The following ARHGEF18 variants were observed in gnomAD, a reference collection of about 807,000 sequenced individuals.
ARHGEF18 encodes the protein rho guanine nucleotide exchange factor 18.
In ARHGEF18, 93 loss-of-function variants were observed where a neutral mutation model predicts 155.7. The observed-to-expected ratio is 0.60, with a 90% CI of 0.50 to 0.71. The LOEUF is 0.71. Among genes scored for constraint, ARHGEF18 ranks in the 30% least tolerant of loss-of-function variants. ARHGEF18 has a pLI of 0.00. For synonymous variants in ARHGEF18, 742 were observed against 753.1 expected (o/e 0.99, Z 0.24); for missense variants, 1,593 against 1,816.1 (o/e 0.88, Z 2.23).
chr19:7,466,996 T>A, intron 24 of ARHGEF18, 22 bp downstream of exon 24: 4 of 1,613,338 alleles, frequency 2.5e-6, no homozygotes, highest in Non-Finnish European at 3.4e-6. Context: ...CGGGTCTCCA[T>A]CTCCCCAGGG....
chr19:7,407,909 C>T (rs1350913356), intron 10 of ARHGEF18, among the ~76,000 whole-genome samples: 2 of 145,398 alleles, frequency 1.4e-5, no homozygotes, highest in African/African-American at 5.2e-5. Context: ...TTGCAGTGAG[C>T]CGAGACCGCG....
intron 10 of ARHGEF18, among the ~76,000 whole-genome samples, chr19:7,430,641 A>C (rs1328714815): frequency 1.3e-5 from 2 of 151,764 alleles, no homozygotes; most frequent in South Asian, 2.1e-4. Flanking sequence ...TATCTCTATA[A>C]AAATATCTAA....
intron 6 of ARHGEF18, among the ~76,000 whole-genome samples, chr19:7,378,679 T>G (rs1314532872): frequency 7.0e-6 from 1 of 141,924 alleles, no homozygotes; most frequent in African/African-American, 2.6e-5. Context: ...GGGAGACAAT[T>G]GTGGCTTTTT....
intron 10 of ARHGEF18, among the ~76,000 whole-genome samples, chr19:7,437,029 T>C (rs1481997503): frequency 6.6e-6 from 1 of 152,188 alleles, no homozygotes; most frequent in Non-Finnish European, 1.5e-5. Context: ...CACAGCTTAG[T>C]GGCTGATGTC....
intron 7 of ARHGEF18, among the ~76,000 whole-genome samples, chr19:7,380,003 ATT>A (rs11326216): frequency 1.5e-4 from 22 of 147,874 alleles, no homozygotes; most frequent in Admixed American, 4.7e-4. Flanking sequence ...TGTCTGTATA[ATT>A]TTTTTTTTTT....
chr19:7,455,395 C>T (rs1975765796), intron 17 of ARHGEF18, among the ~76,000 whole-genome samples: 1 of 152,220 alleles, frequency 6.6e-6, no homozygotes, highest in Admixed American at 6.5e-5. Flanking sequence ...CTGACTTAGA[C>T]AGGGGTGTTG....
intron 1 of ARHGEF18, 37 bp downstream of exon 1, chr19:7,349,278 C>T (rs1385078960): frequency 6.6e-6 from 1 of 152,332 alleles, no homozygotes; most frequent in Non-Finnish European, 1.5e-5. Context: ...AGAGATGGAC[C>T]CATCGGGACA....
At chr19:7,381,691 T>TA (rs533011251) in intron 8 of ARHGEF18, among the ~76,000 whole-genome samples, 9 of 146,160 alleles carry the variant, frequency 6.2e-5, no homozygotes, top group Middle Eastern at 3.5e-3. Flanking sequence ...AATAAATAAA[T>TA]AATAAATAAA....
intron 3 of ARHGEF18, among the ~76,000 whole-genome samples, chr19:7,374,386 T>C (rs558136711): frequency 1.1e-4 from 16 of 151,990 alleles, no homozygotes; most frequent in African/African-American, 3.6e-4. Flanking sequence ...AACTGAAAAC[T>C]GCATGTGAGG....
downstream of ARHGEF18, among the ~76,000 whole-genome samples, chr19:7,476,184 A>C (rs1044803879): frequency 1.1e-4 from 17 of 152,324 alleles, no homozygotes; most frequent in Non-Finnish European, 8.8e-5. Flanking sequence ...GGTGATAAAC[A>C]CCTGTAGTTC....
chr19:7,448,082 G>C (rs889866734), intron 15 of ARHGEF18, among the ~76,000 whole-genome samples: 2 of 152,228 alleles, frequency 1.3e-5, no homozygotes. Flanking sequence ...CTGCAGCTCA[G>C]TATGGGACCT....
At position 7,395,385 on chromosome 19, in the gene ARHGEF18, G is replaced by A. The variant is rs1971640342; in HGVS notation, c.967+12182G>A. On this transcript the variant is annotated intron_variant, in intron 10 of 28. Transcript: ENST00000668164. The surrounding 1 kb of genome is among the most constrained non-coding windows in gnomAD (Gnocchi z 5.0). ...GCCGGCTCCTGGGGGACTTCTCCAG[G>A]CAGGCGAACGGGTGCTGGGGTGCAG... The A allele has an allele frequency of 2.2e-6, 2 of 894,580 alleles. No individual in the cohort carries two copies. Among genetic ancestry groups the A allele is most frequent in the Non-Finnish European group, 2.7e-6 (2 of 747,172 alleles). 55.4% of individuals were successfully genotyped at this position (894,580 alleles called of 1,614,324 possible). A position where few individuals can be genotyped will look rare whatever the true frequency, so the allele number is the denominator to read the frequency against.
At position 7,457,353 on chromosome 19, in the gene ARHGEF18, C is replaced by CTTTTTTTTTTT. The variant is rs1159186670; in HGVS notation, c.2181+967_2181+977dup. ...ATCTCATTTTGCCATAATCACCTCT[C>CTTTTTTTTTTT]TTTTTTTTTTTTTTTTTTTTTTTTT... On this transcript the variant is annotated intron_variant, in intron 18 of 28. Coordinates refer to ENST00000668164, the MANE Select transcript of ARHGEF18 (RefSeq NM_001367823.1). 1.1e-3 allele frequency among the ~76,000 whole-genome samples: 67 copies of CTTTTTTTTTTT among 60,232 alleles called. 17 individuals carry two copies. The highest frequency in any genetic ancestry group is 5.2e-3 in the African/African-American group (64 of 12,340). 39.5% of individuals were successfully genotyped at this position (60,232 alleles called of 152,430 possible).
rs763747011 is a variant in ARHGEF18 at position 7,441,730 on chromosome 19, T to A, written c.1184T>A (p.Leu395His). ...CAGACAGCTGATGACTCTCTGTCCC[T>A]TACATCTCCAAACACCGAGTCCATT... ...FKQTADDSLS[L>H]TSPNTESIFV... The change falls in exon 12 of 29, where the codon CTT becomes CAT. Residue 395 changes from leucine to histidine, a missense_variant. Transcript: ENST00000668164. The A allele has an allele frequency of 2.5e-6, 4 of 1,614,208 alleles. No homozygotes were observed. The highest frequency in any genetic ancestry group is 1.7e-5 in the Admixed American group (1 of 60,014).
Position 7,458,588 on chromosome 19 carries a change from TGATC to T in ARHGEF18, c.2259_2262del (p.Ile754AlafsTer66). 1 of 1,614,208 alleles carries T rather than the reference TGATC, an allele frequency of 6.2e-7. No homozygotes were observed. The highest frequency in any genetic ancestry group is 8.5e-7 in the Non-Finnish European group (1 of 1,180,042). On this transcript the variant is annotated frameshift_variant, in exon 19 of 29. Coordinates refer to ENST00000668164, the MANE Select transcript of ARHGEF18 (RefSeq NM_001367823.1). LOFTEE classifies it high-confidence loss of function. ...GCCAACGAGGAGAAAGCGATGTTTC[TGATC>T]AGCGCCTCCTTGCAAGGGCCGGAGA...
At chr19:7,393,938 G>T (rs138677443) in intron 10 of ARHGEF18, among the ~76,000 whole-genome samples, 1 of 151,354 alleles carries the variant, frequency 6.6e-6, no homozygotes, top group South Asian at 2.1e-4. Context: ...TGGTATCTAT[G>T]TTGGGGTGTC....
intron 7 of ARHGEF18, among the ~76,000 whole-genome samples, chr19:7,379,374 C>T (rs1256198579): frequency 6.6e-6 from 1 of 152,070 alleles, no homozygotes; most frequent in Non-Finnish European, 1.5e-5. Context: ...GCCTGGCCAA[C>T]ATGGCGAAAC....
rs1974591223 is a variant in ARHGEF18 at position 7,440,770 on chromosome 19, C to G, written c.1106+288C>G. 6.6e-6 allele frequency among the ~76,000 whole-genome samples: 1 copy of G among 152,072 alleles called. No homozygotes were observed. Reference sequence around the variant, plus strand: ...GGCCGGGCTCCTGACTTACTCAAGGCGATGCTCAAAGTCCTGCTGGGTGTG... The same window carrying G: ...GGCCGGGCTCCTGACTTACTCAAGGGGATGCTCAAAGTCCTGCTGGGTGTG... On this transcript the variant is annotated intron_variant, in intron 11 of 28. Transcript: ENST00000668164. This position sits in a 1 kb window ranked among gnomAD's most constrained non-coding sequence, Gnocchi z 5.4.
intron 2 of ARHGEF18, among the ~76,000 whole-genome samples, chr19:7,367,872 ATATATATATATTT>A (rs138743577): frequency 0.15 from 7,828 of 51,866 alleles, 3,013 homozygotes; most frequent in East Asian, 0.44. Context: ...ATATATTTTT[ATATATATATATTT>A]TATATATATT....
Sources: allele counts gnomAD v4.1 joint callset (sites outside exome capture counted in the v4.1 genomes callset), GRCh38; gene constraint gnomAD v4.1.1; non-coding constraint Gnocchi (gnomAD v3.1); transcripts MANE v1.5; gene names NCBI Gene and HGNC (gene_info 2026-07-23, HGNC 2026-07-21).